ATP1A2: variants seen among roughly 807,000 people sequenced by gnomAD.
ATP1A2 encodes the protein ATPase Na+/K+ transporting subunit alpha 2, also known as sodium/potassium-transporting ATPase subunit alpha-2.
In ATP1A2, 56 loss-of-function variants were observed where a neutral mutation model predicts 113.1. The observed-to-expected ratio is 0.49, with a 90% CI of 0.40 to 0.62. The LOEUF (loss-of-function observed/expected upper bound fraction) is 0.62. Among genes scored for constraint, ATP1A2 ranks in the 20% least tolerant of loss-of-function variants. The probability of loss-of-function intolerance (pLI) is 0.00; values close to 1 mark genes in which losing one functional copy is unlikely to be tolerated. For missense variants in ATP1A2, 712 were observed against 1,357.8 expected (o/e 0.52, Z 7.47); for synonymous variants, 490 against 526.8 (o/e 0.93, Z 0.96).
chr1:160,126,989 C>T (rs184420691), intron 7 of ATP1A2, among the ~76,000 whole-genome samples: 154 of 152,260 alleles, frequency 1.0e-3, no homozygotes, highest in African/African-American at 3.5e-3. Context: ...TAAAACAGCA[C>T]CGAGATAGGA....
At chr1:160,125,531 T>A (rs1446517684) in intron 7 of ATP1A2, 1 of 475,240 alleles carries the variant, frequency 2.1e-6, no homozygotes, top group Non-Finnish European at 3.9e-6. Context: ...GGTATTGGGT[T>A]AAGAACCCCT....
chr1:160,132,107 G>A (rs1439793782), intron 13 of ATP1A2, among the ~76,000 whole-genome samples: 1 of 152,194 alleles, frequency 6.6e-6, no homozygotes, highest in Non-Finnish European at 1.5e-5. Flanking sequence ...TATTTGAGCT[G>A]GGCTTTGGAG....
chr1:160,134,744 C>CT, intron 14 of ATP1A2, 124 bp downstream of exon 14: 2 of 1,381,908 alleles, frequency 1.4e-6, no homozygotes, highest in Non-Finnish European at 2.0e-6. Context: ...ACCTCTGACA[C>CT]TATTGTGACT....
intron 1 of ATP1A2, among the ~76,000 whole-genome samples, chr1:160,118,194 T>A (rs1651250699): frequency 6.6e-6 from 1 of 152,256 alleles, no homozygotes; most frequent in Admixed American, 6.5e-5. Context: ...CCAAAGTGCA[T>A]GGACCAGCAA....
intron 11 of ATP1A2, 41 bp from the exon 12 acceptor site, chr1:160,130,061 A>G (rs1237252916): frequency 1.9e-6 from 3 of 1,613,442 alleles, no homozygotes; most frequent in Admixed American, 1.7e-5. Flanking sequence ...CGCTACCAAG[A>G]CAAGTATGGC....
chr1:160,135,513 G>A lies in ATP1A2; in HGVS notation c.2195G>A (p.Gly732Asp). Residue 732 changes from glycine to aspartate, a missense_variant, in exon 16 of 23, where the codon GGC becomes GAC. Coordinates refer to ENST00000361216, the MANE Select transcript of ATP1A2 (RefSeq NM_000702.4). The surrounding 1 kb of genome is among the most constrained non-coding windows in gnomAD (Gnocchi z 6.3). The stretch of plus-strand genomic sequence containing the variant: ...AAGGCTGACATTGGCATTGCCATGG[G>A]CATCTCTGGCTCTGACGTCTCTAAG... ...LKKADIGIAM[G>D]ISGSDVSKQA... 6.2e-7 allele frequency: 1 copy of A among 1,614,194 alleles called. No individual in the cohort carries two copies. Among genetic ancestry groups the A allele is most frequent in the Non-Finnish European group, 8.5e-7 (1 of 1,180,046 alleles).
rs1237489560 is a variant in ATP1A2, at chr1:160,128,640, T to G, written c.1018-12T>G. The G allele has an allele frequency of 6.2e-7, 1 of 1,614,182 alleles. No homozygotes were observed. The highest frequency in any genetic ancestry group is 2.2e-5 in the East Asian group (1 of 44,886). ...AGCCTTAACCTTTTTTATTCTCCTC[T>G]TTCTCTACCAGGTGTGCCTGACCCT... On this transcript the variant is annotated splice_polypyrimidine_tract_variant and intron_variant, in intron 8 of 22. Coordinates refer to ENST00000361216, the MANE Select transcript of ATP1A2 (RefSeq NM_000702.4).
intron 7 of ATP1A2, chr1:160,125,574 C>G: frequency 5.7e-6 from 2 of 347,930 alleles, no homozygotes; most frequent in South Asian, 2.9e-5. Flanking sequence ...CACATACGCT[C>G]AGAACCAACC....
intron 10 of ATP1A2, 67 bp from the exon 11 acceptor site, chr1:160,129,199 C>T (rs946293726): frequency 1.7e-5 from 28 of 1,612,056 alleles, no homozygotes; most frequent in South Asian, 5.5e-5. Flanking sequence ...GTTTCAGTGC[C>T]GCCTTCACCT....
chr1:160,128,006 A>G (rs1651639176), intron 8 of ATP1A2, among the ~76,000 whole-genome samples, 186 bp downstream of exon 8: 1 of 152,172 alleles, frequency 6.6e-6, no homozygotes, highest in East Asian at 1.9e-4. Flanking sequence ...AGGTGGGGCT[A>G]TTCTTAGGCA....
chr1:160,137,105 C>T, intron 20 of ATP1A2, 74 bp downstream of exon 20: 1 of 1,610,918 alleles, frequency 6.2e-7, no homozygotes, highest in Non-Finnish European at 8.5e-7. Flanking sequence ...GGCCAAGCTT[C>T]CAACTCAGCC....
At chr1:160,124,244 G>T in intron 5 of ATP1A2, 52 bp from the exon 6 acceptor site, 1 of 1,562,762 alleles carries the variant, frequency 6.4e-7, no homozygotes. Context: ...AGCAGGAGAA[G>T]AAGGCAGGGG....
rs780996587 is a variant in ATP1A2, at chr1:160,136,727, T to C, written c.2709+12T>C. On this transcript the variant is annotated intron_variant, in intron 19 of 22. Transcript: ENST00000361216. ...ATGGACAGGAGTGGGTGAGTGGTGC[T>C]GTGTAAACACAGCGCACATGTGTGA... 6.2e-7 allele frequency: 1 copy of C among 1,614,156 alleles called. No homozygotes were observed. Among genetic ancestry groups the C allele is most frequent in the Non-Finnish European group, 8.5e-7 (1 of 1,179,996 alleles).
rs746044386 is a variant in ATP1A2 at position 160,141,249 on chromosome 1, CTT to C, written c.3035-42_3035-41del. 3.7e-5 allele frequency: 59 copies of C among 1,613,170 alleles called. No homozygotes were observed. In the Admixed American group the frequency reaches 9.3e-4, roughly 26 times the overall value. Reference sequence around the variant, plus strand: ...CCCTAGGAAATTGATCTCTTGCCTCCTTTTAAGCTCATGCTGCAATCTCCACT... The same window carrying C: ...CCCTAGGAAATTGATCTCTTGCCTCCTTAAGCTCATGCTGCAATCTCCACT... On this transcript the variant is annotated intron_variant, in intron 22 of 22. Coordinates refer to ENST00000361216, the MANE Select transcript of ATP1A2 (RefSeq NM_000702.4).
Position 160,134,605 on chromosome 1 carries a change from G to C in ATP1A2, c.1949G>C (p.Ser650Thr). The change falls in exon 14 of 23, where the codon AGT becomes ACT. Residue 650 changes from serine (S) to threonine (T), a missense_variant. Transcript: ENST00000361216. ...GCAGCCCGGCTCAACATTCCCATGA[G>C]TCAAGTCAACCCCAGGTGAGGCCTC... ...DIAARLNIPM[S>T]QVNPREAKAC... The C allele has an allele frequency of 1.9e-6, 3 of 1,614,206 alleles. No individual in the cohort carries two copies. Among genetic ancestry groups the C allele is most frequent in the Non-Finnish European group, 2.5e-6 (3 of 1,180,034 alleles).
At chr1:160,117,701 G>A (rs1651233559) in intron 1 of ATP1A2, among the ~76,000 whole-genome samples, 1 of 152,192 alleles carries the variant, frequency 6.6e-6, no homozygotes, top group African/African-American at 2.4e-5. Flanking sequence ...CCACTGCAGA[G>A]GCAGGCTTCA....
intron 20 of ATP1A2, among the ~76,000 whole-genome samples, chr1:160,137,959 G>GA (rs749500422): frequency 2.8e-4 from 42 of 151,908 alleles, no homozygotes; most frequent in Non-Finnish European, 5.0e-4. Context: ...AATACTAATG[G>GA]AAAAAAAATG....
intron 20 of ATP1A2, 53 bp downstream of exon 20, chr1:160,137,084 C>A: frequency 6.2e-7 from 1 of 1,613,106 alleles, no homozygotes; most frequent in Non-Finnish European, 8.5e-7. Flanking sequence ...GCACACTCAC[C>A]AACCCACACA....
chr1:160,124,310 C>A lies in ATP1A2; in HGVS notation c.510C>A (p.Ile170=). ...GCTCCCCACAGCAAGCCCTTGTGATCCGGGAGGGAGAGAAGATGCAGATCA... is the reference window on the plus strand; with the variant it reads ...GCTCCCCACAGCAAGCCCTTGTGATACGGGAGGGAGAGAAGATGCAGATCA... ...KNMVPQQALV[I]REGEKMQINA... Residue 170 remains isoleucine, a synonymous_variant, in exon 6 of 23, where the codon ATC becomes ATA. Coordinates refer to ENST00000361216, the MANE Select transcript of ATP1A2 (RefSeq NM_000702.4). 1 of 1,605,464 alleles carries A rather than the reference C, an allele frequency of 6.2e-7. No individual in the cohort carries two copies.
Sources: allele counts gnomAD v4.1 joint callset (sites outside exome capture counted in the v4.1 genomes callset), GRCh38; gene constraint gnomAD v4.1.1; non-coding constraint Gnocchi (gnomAD v3.1); transcripts MANE v1.5; gene names NCBI Gene and HGNC (gene_info 2026-07-23, HGNC 2026-07-21).